Variants in PDE1A observed in about 807,000 individuals in gnomAD.
The protein encoded by PDE1A is phosphodiesterase 1A, also known as dual specificity calcium/calmodulin-dependent 3',5'-cyclic nucleotide phosphodiesterase 1A.
Under a neutral mutation model 61.7 loss-of-function variants are expected in PDE1A, and 35 were observed. The ratio of observed to expected loss-of-function variants is 0.57; its 90% confidence interval spans 0.43 to 0.75. PDE1A has a LOEUF of 0.75. Ranked by LOEUF, PDE1A falls within the 30% of genes least tolerant of loss-of-function variation. The pLI, the probability that PDE1A is intolerant of heterozygous loss-of-function variation, is 0.00. For missense variants in PDE1A, 597 were observed against 630.6 expected (o/e 0.95, Z 0.57); for synonymous variants, 232 against 213.2 (o/e 1.09, Z -0.77).
At chr2:182,371,747 T>A (rs76413947) in intron 1 of PDE1A, among the ~76,000 whole-genome samples, 1 of 152,188 alleles carries the variant, frequency 6.6e-6, no homozygotes, top group Admixed American at 6.5e-5. Context: ...CTTACTTTTA[T>A]GATAAATGTT....
rs73036251 is a variant in PDE1A, at chr2:182,284,135, A to T, written c.54-19721T>A. On this transcript the variant is annotated intron_variant, in intron 1 of 13. Coordinates refer to ENST00000351439, the Ensembl canonical transcript of PDE1A. The stretch of plus-strand genomic sequence containing the variant: ...AGAGGCAGTAAGGAAAGGAAATGGC[A>T]TATATGAAAGAACAGAAGGATATAA... Among the ~76,000 whole-genome samples the T allele has an allele frequency of 6.8e-3, 1,037 of 152,224 alleles. 8 individuals carry two copies. Among genetic ancestry groups the T allele is most frequent in the African/African-American group, 0.023 (953 of 41,566 alleles).
intron 1 of PDE1A, among the ~76,000 whole-genome samples, chr2:182,358,290 C>G (rs1699309667): frequency 6.6e-6 from 1 of 152,132 alleles, no homozygotes; most frequent in Non-Finnish European, 1.5e-5. Context: ...TCAAGGTTCA[C>G]TTAACCAATC....
intron 1 of PDE1A, among the ~76,000 whole-genome samples, chr2:182,289,536 C>T (rs1559299847): frequency 6.6e-6 from 1 of 152,082 alleles, no homozygotes; most frequent in South Asian, 2.1e-4. Context: ...TATTGTATCT[C>T]TCCTTTAATC....
the PDE1A span, among the ~76,000 whole-genome samples, chr2:182,639,421 A>T: frequency 9.2e-5 from 14 of 152,140 alleles, no homozygotes; most frequent in African/African-American, 3.1e-4. Context: ...TACAAAAATT[A>T]GCTGGGCAGG....
intron 1 of PDE1A, among the ~76,000 whole-genome samples, chr2:182,412,167 C>T (rs1489453522): frequency 7.2e-5 from 11 of 152,012 alleles, no homozygotes; most frequent in African/African-American, 2.7e-4. Context: ...CTATATTTAG[C>T]CATTTCAGAA....
intron 2 of PDE1A, among the ~76,000 whole-genome samples, chr2:182,480,717 C>T (rs1170086401): frequency 1.3e-5 from 2 of 151,896 alleles, no homozygotes; most frequent in Non-Finnish European, 2.9e-5. Flanking sequence ...ACTTGAGCAT[C>T]TTCTGAGGTT....
chr2:182,263,833 A>G (rs1384475038), intron 2 of PDE1A, among the ~76,000 whole-genome samples: 1 of 152,152 alleles, frequency 6.6e-6, no homozygotes, highest in East Asian at 1.9e-4. Context: ...AAAAACACAC[A>G]TTTGGGATGC....
chr2:182,456,938 T>C (rs547364971), intron 2 of PDE1A, among the ~76,000 whole-genome samples: 1 of 152,212 alleles, frequency 6.6e-6, no homozygotes, highest in Admixed American at 6.6e-5. Flanking sequence ...GCAGGATGGA[T>C]AGCATCTCAC....
intron 1 of PDE1A, among the ~76,000 whole-genome samples, chr2:182,407,845 T>C (rs1014950539): frequency 6.6e-6 from 1 of 152,166 alleles, no homozygotes; most frequent in African/African-American, 2.4e-5. Flanking sequence ...CCATGAAGAA[T>C]ACAATGTTTC....
intron 1 of PDE1A, among the ~76,000 whole-genome samples, chr2:182,365,965 G>A (rs376666854): frequency 1.2e-4 from 18 of 151,742 alleles, no homozygotes; most frequent in Admixed American, 3.3e-4. Flanking sequence ...CAACTGTTAA[G>A]AGATGCTAAA....
intron 1 of PDE1A, among the ~76,000 whole-genome samples, chr2:182,355,238 C>A (rs1052762795): frequency 6.6e-6 from 1 of 151,888 alleles, no homozygotes; most frequent in Non-Finnish European, 1.5e-5. Flanking sequence ...AATATGGCCA[C>A]TCTTACCATT....
At chr2:182,253,361 T>A (rs1023674986) in intron 2 of PDE1A, among the ~76,000 whole-genome samples, 5 of 152,138 alleles carry the variant, frequency 3.3e-5, no homozygotes, top group African/African-American at 1.2e-4. Context: ...AATCAGGAAG[T>A]CAATGATATC....
chr2:182,268,050 T>C (rs1192248750), intron 1 of PDE1A, among the ~76,000 whole-genome samples: 1 of 152,150 alleles, frequency 6.6e-6, no homozygotes, highest in African/African-American at 2.4e-5. Flanking sequence ...TTTTTAATAA[T>C]GATTTTGCTT....
At chr2:182,507,486 G>A (rs1034520242) in intron 2 of PDE1A, among the ~76,000 whole-genome samples, 2 of 151,990 alleles carry the variant, frequency 1.3e-5, no homozygotes, top group African/African-American at 2.4e-5. Flanking sequence ...TTCTTCACAC[G>A]CCAGTTTGAG....
chr2:182,488,683 G>T (rs6433974), intron 2 of PDE1A, among the ~76,000 whole-genome samples: 12,598 of 152,018 alleles, frequency 0.083, 608 homozygotes, highest in African/African-American at 0.13. Flanking sequence ...AATATATAAG[G>T]AATCAAAAAT....
chr2:182,245,116 G>A (rs1014623443), intron 2 of PDE1A, among the ~76,000 whole-genome samples: 7 of 152,110 alleles, frequency 4.6e-5, no homozygotes, highest in African/African-American at 1.7e-4. Flanking sequence ...TTTTGAATAA[G>A]CATGATTACC....
chr2:182,240,024 T>G (rs1690371607), intron 3 of PDE1A, 86 bp downstream of exon 3: 1 of 1,193,834 alleles, frequency 8.4e-7, no homozygotes, highest in Non-Finnish European at 1.2e-6. Context: ...ATAAGTGAAA[T>G]ATAGACTGCT....
the PDE1A span, among the ~76,000 whole-genome samples, chr2:182,590,886 T>C: frequency 2.0e-5 from 3 of 152,216 alleles, no homozygotes; most frequent in Admixed American, 2.0e-4. Flanking sequence ...TCAGTTGTGT[T>C]CTCACAATTG....
At chr2:182,546,472 CA>C in the PDE1A span, among the ~76,000 whole-genome samples, 1 of 152,104 alleles carries the variant, frequency 6.6e-6, no homozygotes, top group East Asian at 1.9e-4. Context: ...GGCTGTGCAT[CA>C]AAAGGCCCCT....
Sources: allele counts gnomAD v4.1 joint callset (sites outside exome capture counted in the v4.1 genomes callset), GRCh38; gene constraint gnomAD v4.1.1; transcripts MANE v1.5; gene names NCBI Gene and HGNC (gene_info 2026-07-23, HGNC 2026-07-21).